ZCCHC14: variants seen among roughly 807,000 people sequenced by gnomAD.
ZCCHC14 encodes the protein zinc finger CCHC-type containing 14.
ZCCHC14 carries 16 observed loss-of-function variants against 85.0 expected under a neutral mutation model. The ratio of observed to expected loss-of-function variants is 0.19; its 90% CI spans 0.13 to 0.29. ZCCHC14 has a LOEUF of 0.29. Among genes scored for constraint, ZCCHC14 ranks in the 10% least tolerant of loss-of-function variants. ZCCHC14 has a pLI of 1.00. For missense variants in ZCCHC14, 1,303 were observed against 1,443.5 expected (o/e 0.90, Z 1.58); for synonymous variants, 775 against 630.7 (o/e 1.23, Z -3.43).
In ZCCHC14 at chr16:87,411,844, G is replaced by C. The variant is rs1459799934; in HGVS notation, c.2877C>G (p.Phe959Leu). ...ACATGGGACTGAAGGGCAAGAAGGGGAAGGTGAACACGGACGGACCGGAGA... is the reference window on the plus strand; with the variant it reads ...ACATGGGACTGAAGGGCAAGAAGGGCAAGGTGAACACGGACGGACCGGAGA... ...HPFSGPSVFT[F>L]PFLPFSPMCS... Residue 959 changes from phenylalanine to leucine, a missense_variant, in exon 12 of 13, where the codon TTC becomes TTG. Physicochemically the swap from Phe to Leu is conservative, Grantham distance 22. Coordinates refer to ENST00000671377, the MANE Select transcript of ZCCHC14 (RefSeq NM_015144.3). 5.6e-6 allele frequency: 9 copies of C among 1,610,692 alleles called. No individual in the cohort carries two copies. Among genetic ancestry groups the C allele is most frequent in the Non-Finnish European group, 7.6e-6 (9 of 1,178,796 alleles).
intron 8 of ZCCHC14, 73 bp from the exon 9 acceptor site, chr16:87,415,440 G>A: frequency 7.7e-7 from 1 of 1,301,544 alleles, no homozygotes; most frequent in Non-Finnish European, 1.1e-6. Flanking sequence ...ACTTGGAGTT[G>A]AATTCAGTAC....
At chr16:87,416,945 T>C (rs1416171227) in intron 8 of ZCCHC14, among the ~76,000 whole-genome samples, 2 of 152,196 alleles carry the variant, frequency 1.3e-5, no homozygotes, top group African/African-American at 4.8e-5. Flanking sequence ...AGAGCTCAAA[T>C]ACCTTGTATG....
intron 2 of ZCCHC14, among the ~76,000 whole-genome samples, chr16:87,438,177 C>T (rs1315375299): frequency 1.3e-5 from 2 of 152,296 alleles, no homozygotes; most frequent in Non-Finnish European, 2.9e-5. Flanking sequence ...GGTACCGCAG[C>T]ACTGCGTGGC....
chr16:87,456,110 C>A (rs1276385883), intron 2 of ZCCHC14, among the ~76,000 whole-genome samples: 2 of 152,130 alleles, frequency 1.3e-5, no homozygotes, highest in Non-Finnish European at 2.9e-5. Flanking sequence ...GTTTCAAAGT[C>A]CTCATAATAA....
intron 2 of ZCCHC14, among the ~76,000 whole-genome samples, chr16:87,454,447 T>C (rs1161808618): frequency 6.6e-6 from 1 of 152,200 alleles, no homozygotes; most frequent in African/African-American, 2.4e-5. Flanking sequence ...AGGACTTTTC[T>C]TTAGAAAAAC....
intron 1 of ZCCHC14, among the ~76,000 whole-genome samples, chr16:87,462,913 AC>A (rs1433484395): frequency 6.6e-6 from 1 of 151,664 alleles, no homozygotes; most frequent in Admixed American, 6.6e-5. Context: ...TACTAAAAAT[AC>A]GAAATTAGCC....
At chr16:87,443,410 A>G (rs1033616167) in intron 2 of ZCCHC14, among the ~76,000 whole-genome samples, 2 of 152,174 alleles carry the variant, frequency 1.3e-5, no homozygotes, top group African/African-American at 4.8e-5. Context: ...CTACCAGGTA[A>G]GTCAGCTGAG....
At chr16:87,442,078 G>A (rs1180374764) in intron 2 of ZCCHC14, among the ~76,000 whole-genome samples, 3 of 152,246 alleles carry the variant, frequency 2.0e-5, no homozygotes, top group African/African-American at 7.2e-5. Flanking sequence ...AAGTACAGAA[G>A]GATAGCAGAG....
chr16:87,464,598 G>C (rs537908592), intron 1 of ZCCHC14, among the ~76,000 whole-genome samples: 8 of 152,284 alleles, frequency 5.3e-5, no homozygotes, highest in South Asian at 4.1e-4. Flanking sequence ...CACTGCATCT[G>C]ACATCAAGAC....
intron 2 of ZCCHC14, among the ~76,000 whole-genome samples, chr16:87,446,388 G>A (rs1443183820): frequency 6.6e-6 from 1 of 151,798 alleles, no homozygotes; most frequent in South Asian, 2.1e-4. Flanking sequence ...GGAGGCTGAG[G>A]TGAGAGAATC....
At chr16:87,429,609 T>G (rs1182338951) in intron 3 of ZCCHC14, among the ~76,000 whole-genome samples, 1 of 152,138 alleles carries the variant, frequency 6.6e-6, no homozygotes, top group Non-Finnish European at 1.5e-5. Flanking sequence ...AAGGAGACAC[T>G]ATCTCTTTTT....
Position 87,407,586 on chromosome 16 carries a change from T to C in ZCCHC14, c.*2694A>G, listed in dbSNP as rs1194704360. The C allele has an allele frequency of 6.6e-6, 1 of 152,198 alleles. No homozygotes were observed. The highest frequency in any genetic ancestry group is 2.4e-5 in the African/African-American group (1 of 41,450). 9.4% of individuals were successfully genotyped at this position (152,198 alleles called of 1,614,324 possible). A position where few individuals can be genotyped will look rare whatever the true frequency, so the allele number is the denominator to read the frequency against. ...CCATCTCTACATTCCACTTTCCCCA[T>C]TCTTGGAGATTAAAAAAACAGGGTT... is the stretch of plus-strand genomic sequence containing the variant. On this transcript the variant is annotated 3_prime_UTR_variant, in exon 13 of 13. Coordinates refer to ENST00000671377, the MANE Select transcript of ZCCHC14 (RefSeq NM_015144.3).
chr16:87,476,604 A>G (rs1912015179), intron 1 of ZCCHC14, among the ~76,000 whole-genome samples: 1 of 152,058 alleles, frequency 6.6e-6, no homozygotes, highest in Non-Finnish European at 1.5e-5. Context: ...CACTAAAATC[A>G]TGCAACAAAG....
intron 1 of ZCCHC14, among the ~76,000 whole-genome samples, chr16:87,466,336 A>AT (rs1197390956): frequency 1.3e-5 from 2 of 152,182 alleles, no homozygotes; most frequent in African/African-American, 4.8e-5. Context: ...ACGCAGTCAG[A>AT]TGGAAGCACA....
rs1431469185 is a variant in ZCCHC14 at position 87,491,092 on chromosome 16, ATC to A, written c.570+575_570+576del. ...AAACCAAGGCGCCGCAATGTGTGTT[ATC>A]TGTCACCCAAGGGCCCCATTAAGGG... On this transcript the variant is annotated intron_variant, in intron 1 of 12. Coordinates refer to ENST00000671377, the MANE Select transcript of ZCCHC14 (RefSeq NM_015144.3). The surrounding 1 kb of genome is among the most constrained non-coding windows in gnomAD (Gnocchi z 5.9). 1.3e-5 allele frequency among the ~76,000 whole-genome samples: 2 copies of A among 152,240 alleles called. No homozygotes were observed. The highest frequency in any genetic ancestry group is 2.9e-5 in the Non-Finnish European group (2 of 68,054).
chr16:87,434,255 C>T (rs1909803330), intron 2 of ZCCHC14, among the ~76,000 whole-genome samples: 1 of 152,232 alleles, frequency 6.6e-6, no homozygotes. Flanking sequence ...AATAAAACAG[C>T]CGCGTATCGA....
chr16:87,476,169 G>T (rs902090531), intron 1 of ZCCHC14, among the ~76,000 whole-genome samples: 8 of 152,130 alleles, frequency 5.3e-5, no homozygotes, highest in Non-Finnish European at 1.0e-4. Flanking sequence ...TCTGATAAAA[G>T]AAAACTAAGA....
In ZCCHC14 at chr16:87,467,224, G is replaced by C. The variant is rs150431662; in HGVS notation, c.571-7093C>G. On this transcript the variant is annotated intron_variant, in intron 1 of 12. Transcript: ENST00000671377. ...TCCTTTTAAAAGGAAACTCGAATGAGGACTGCAAGCCTCTCGTTTTACCGG... is the reference window on the plus strand; with the variant it reads ...TCCTTTTAAAAGGAAACTCGAATGACGACTGCAAGCCTCTCGTTTTACCGG... 439 of 1,550,932 alleles carry C rather than the reference G, an allele frequency of 2.8e-4. 2 individuals are homozygous for C. In the African/African-American group the frequency reaches 5.3e-3, roughly 19 times the overall value.
intron 3 of ZCCHC14, among the ~76,000 whole-genome samples, chr16:87,431,437 C>T (rs987732331): frequency 2.8e-5 from 4 of 144,142 alleles, no homozygotes; most frequent in African/African-American, 7.8e-5. Flanking sequence ...CGCGTCACTG[C>T]ACTCCAGCCT....
Sources: allele counts gnomAD v4.1 joint callset (sites outside exome capture counted in the v4.1 genomes callset), GRCh38; gene constraint gnomAD v4.1.1; non-coding constraint Gnocchi (gnomAD v3.1); transcripts MANE v1.5; gene names NCBI Gene and HGNC (gene_info 2026-07-23, HGNC 2026-07-21).